The following GIPC2 variants were observed in gnomAD, a reference collection of about 807,000 sequenced individuals.
GIPC2 encodes PDZ domain-containing protein GIPC2.
A neutral mutation model predicts 30.6 loss-of-function variants in GIPC2; 30 were observed. That is an observed-to-expected ratio of 0.98 (90% CI 0.73 to 1.33). The LOEUF is 1.33. Ranked by LOEUF, GIPC2 falls within the 40% of genes most tolerant of loss-of-function variation. The pLI is 0.00. For missense variants in GIPC2, 414 were observed against 390.3 expected (o/e 1.06, Z -0.51); for synonymous variants, 167 against 150.0 (o/e 1.11, Z -0.83).
At chr1:78,087,428 C>G (rs1661951269) in intron 2 of GIPC2, among the ~76,000 whole-genome samples, 1 of 151,912 alleles carries the variant, frequency 6.6e-6, no homozygotes, top group Non-Finnish European at 1.5e-5. Flanking sequence ...AATAGAGAGC[C>G]CAGAAATAAG....
chr1:78,095,770 C>T (rs961752130), intron 3 of GIPC2, among the ~76,000 whole-genome samples: 1 of 152,174 alleles, frequency 6.6e-6, no homozygotes, highest in Non-Finnish European at 1.5e-5. Context: ...CCACCCAGAA[C>T]TATTTTAATA....
chr1:78,094,264 G>A (rs1423076101), intron 2 of GIPC2, among the ~76,000 whole-genome samples: 2 of 152,222 alleles, frequency 1.3e-5, no homozygotes, highest in Non-Finnish European at 2.9e-5. Flanking sequence ...AAATGATTCA[G>A]TAATCACTAA....
intron 1 of GIPC2, among the ~76,000 whole-genome samples, chr1:78,059,761 G>GA: frequency 6.6e-6 from 1 of 150,522 alleles, no homozygotes; most frequent in Middle Eastern, 3.4e-3. Context: ...ACAAGAGTGA[G>GA]AAAAAACAAA....
Position 78,095,018 on chromosome 1 carries a change from A to G in GIPC2, c.493A>G (p.Ile165Val). 3 of 1,606,832 alleles carry G rather than the reference A, an allele frequency of 1.9e-6. No individual in the cohort carries two copies. Residue 165 changes from isoleucine (I) to valine (V), a missense_variant, in exon 3 of 6, where the codon ATA becomes GTA. Coordinates refer to ENST00000370759, the MANE Select transcript of GIPC2 (RefSeq NM_017655.6). ...TICVGDHIES[I>V]NGENIVGWRH... is the part of the protein sequence containing the mutation. ...CTGTGTTGGGGATCATATTGAATCCATAAATGGAGAAAATATTGTTGGGTG... is the reference window on the plus strand; with the variant it reads ...CTGTGTTGGGGATCATATTGAATCCGTAAATGGAGAAAATATTGTTGGGTG...
intron 1 of GIPC2, among the ~76,000 whole-genome samples, chr1:78,049,291 A>G (rs1571468615): frequency 6.6e-6 from 1 of 152,250 alleles, no homozygotes; most frequent in East Asian, 1.9e-4. Flanking sequence ...CTTGCCTAAT[A>G]GCTGGGATTA....
intron 1 of GIPC2, among the ~76,000 whole-genome samples, chr1:78,049,893 CTTT>C (rs35263483): frequency 1.6e-4 from 16 of 98,454 alleles, no homozygotes; most frequent in Non-Finnish European, 2.3e-4. Context: ...AGAAAAACCT[CTTT>C]TTTTTTTTTT....
chr1:78,049,462 AC>A (rs957143435), intron 1 of GIPC2, among the ~76,000 whole-genome samples: 2 of 152,168 alleles, frequency 1.3e-5, no homozygotes, highest in African/African-American at 4.8e-5. Flanking sequence ...GATGTAAATA[AC>A]TTTTGAGATG....
intron 1 of GIPC2, among the ~76,000 whole-genome samples, chr1:78,059,301 C>T (rs1661350869): frequency 6.6e-6 from 1 of 152,330 alleles, no homozygotes; most frequent in South Asian, 2.1e-4. Flanking sequence ...GAATGTTCCT[C>T]CAGAGCTTGT....
At chr1:78,115,873 TCAAAATTAATATG>T (rs1662558366) in intron 3 of GIPC2, among the ~76,000 whole-genome samples, 2 of 152,224 alleles carry the variant, frequency 1.3e-5, no homozygotes, top group South Asian at 4.1e-4. Context: ...TGAATATAGG[TCAAAATTAATATG>T]CAAAATTAAT....
At chr1:78,091,915 C>T (rs1382078560) in intron 2 of GIPC2, 11 of 827,516 alleles carry the variant, frequency 1.3e-5, no homozygotes, top group Non-Finnish European at 2.4e-5. Context: ...TTTCCATTTT[C>T]TATTAACAAC....
chr1:78,052,692 G>T (rs1661217923), intron 1 of GIPC2, among the ~76,000 whole-genome samples: 1 of 152,090 alleles, frequency 6.6e-6, no homozygotes, highest in Non-Finnish European at 1.5e-5. Flanking sequence ...TTACAGTCAA[G>T]CTAATTAATA....
chr1:78,045,921 G>A (rs1460060511), upstream of GIPC2: 14 of 1,345,044 alleles, frequency 1.0e-5, no homozygotes, highest in Non-Finnish European at 1.3e-5. Context: ...GCGGGCGGCT[G>A]CTCCGGTCCA....
At chr1:78,061,497 G>T (rs1021719652) in intron 1 of GIPC2, among the ~76,000 whole-genome samples, 52 of 147,084 alleles carry the variant, frequency 3.5e-4, no homozygotes, top group African/African-American at 9.9e-4. Flanking sequence ...TTTTTTGTTT[G>T]TTTTTTTTTT....
chr1:78,071,700 T>C (rs1381957216), intron 1 of GIPC2, among the ~76,000 whole-genome samples: 13 of 152,256 alleles, frequency 8.5e-5, no homozygotes, highest in Admixed American at 8.5e-4. Flanking sequence ...GCTGGGACTA[T>C]AGGTGTGTGC....
chr1:78,057,126 A>T (rs375920564), intron 1 of GIPC2, among the ~76,000 whole-genome samples: 1 of 152,256 alleles, frequency 6.6e-6, no homozygotes, highest in East Asian at 1.9e-4. Context: ...TTTATATTGA[A>T]TGAATAAAAT....
intron 3 of GIPC2, among the ~76,000 whole-genome samples, chr1:78,103,961 G>A (rs1051618525): frequency 1.3e-5 from 2 of 152,138 alleles, no homozygotes; most frequent in Admixed American, 6.5e-5. Flanking sequence ...GTGGCTTTGC[G>A]ATCTCAGGTG....
intron 3 of GIPC2, among the ~76,000 whole-genome samples, chr1:78,101,787 C>T (rs1424954081): frequency 6.6e-6 from 1 of 152,090 alleles, no homozygotes; most frequent in Non-Finnish European, 1.5e-5. Flanking sequence ...CTCCTTTTGC[C>T]AATGAAAAGG....
intron 1 of GIPC2, among the ~76,000 whole-genome samples, chr1:78,047,498 T>C (rs1485946992): frequency 6.6e-6 from 1 of 152,134 alleles, no homozygotes; most frequent in Admixed American, 6.5e-5. Context: ...TATAGGATAC[T>C]AATAATACTT....
chr1:78,109,687 CAA>C (rs1662425503), intron 3 of GIPC2, among the ~76,000 whole-genome samples: 1 of 152,048 alleles, frequency 6.6e-6, no homozygotes, highest in African/African-American at 2.4e-5. Flanking sequence ...TGACTTACCC[CAA>C]ATAATTTACC....
Sources: gnomAD v4.1 joint callset for allele counts (sites outside exome capture counted in the v4.1 genomes callset) on GRCh38, gnomAD v4.1.1 for gene constraint, MANE v1.5 for transcripts, NCBI Gene and HGNC (gene_info 2026-07-23, HGNC 2026-07-21) for gene names.